Variants in NIPSNAP2 observed in about 807,000 individuals in gnomAD.
The protein encoded by NIPSNAP2 is nipsnap homolog 2.
NIPSNAP2 carries 42 observed loss-of-function variants against 48.4 expected under a neutral mutation model. The ratio of observed to expected loss-of-function variants is 0.87; its 90% CI spans 0.68 to 1.12. The LOEUF is 1.12. Among genes scored for constraint, NIPSNAP2 ranks in the 50% most tolerant of loss-of-function variants. NIPSNAP2 has a pLI of 0.00. For synonymous variants in NIPSNAP2, 158 were observed against 126.6 expected (o/e 1.25, Z -1.67); for missense variants, 314 against 347.3 (o/e 0.90, Z 0.76).
chr7:55,996,886 T>G (rs2116381384), intron 8 of NIPSNAP2, among the ~76,000 whole-genome samples: 1 of 152,132 alleles, frequency 6.6e-6, no homozygotes, highest in South Asian at 2.1e-4. Flanking sequence ...ATAATTTTTT[T>G]AACTTAAGAA....
intron 7 of NIPSNAP2, 91 bp downstream of exon 7, chr7:55,984,969 T>C (rs1026805272): frequency 3.0e-6 from 3 of 987,356 alleles, no homozygotes; most frequent in Non-Finnish European, 4.7e-6. Flanking sequence ...AATCTGAGGA[T>C]AGTACTGTGA....
At chr7:55,969,779 C>T (rs370055485) in intron 1 of NIPSNAP2, among the ~76,000 whole-genome samples, 18 of 152,064 alleles carry the variant, frequency 1.2e-4, no homozygotes, top group East Asian at 1.9e-4. Context: ...GTCAGGAGAT[C>T]GAGACCATCC....
At chr7:55,983,975 AGCAT>A in intron 6 of NIPSNAP2, 107 bp downstream of exon 6, 1 of 531,740 alleles carries the variant, frequency 1.9e-6, no homozygotes, top group Non-Finnish European at 3.1e-6. Flanking sequence ...ATGTATGTCT[AGCAT>A]TATATGTATA....
At chr7:55,990,862 A>C (rs1426749048) in intron 7 of NIPSNAP2, among the ~76,000 whole-genome samples, 2 of 143,474 alleles carry the variant, frequency 1.4e-5, no homozygotes, top group African/African-American at 5.2e-5. Flanking sequence ...GTCTCGGCTC[A>C]CTCCAATCTC....
chr7:55,967,496 T>C (rs1786919534), intron 1 of NIPSNAP2, among the ~76,000 whole-genome samples: 1 of 152,110 alleles, frequency 6.6e-6, no homozygotes, highest in African/African-American at 2.4e-5. Flanking sequence ...GGAGATAGTC[T>C]TGCCCTGTTG....
intron 1 of NIPSNAP2, among the ~76,000 whole-genome samples, chr7:55,967,483 C>G (rs1373744645): frequency 6.6e-6 from 1 of 151,488 alleles, no homozygotes; most frequent in Non-Finnish European, 1.5e-5. Context: ...TTTTTTTTTC[C>G]TTGGAGATAG....
intron 7 of NIPSNAP2, among the ~76,000 whole-genome samples, chr7:55,990,194 C>T (rs1787414112): frequency 6.6e-6 from 1 of 150,976 alleles, no homozygotes; most frequent in African/African-American, 2.4e-5. Flanking sequence ...TTCTTTGAAA[C>T]TTAACATATT....
chr7:55,967,807 G>A (rs576078835), intron 1 of NIPSNAP2, among the ~76,000 whole-genome samples: 41 of 151,558 alleles, frequency 2.7e-4, no homozygotes, highest in Non-Finnish European at 4.7e-4. Flanking sequence ...GCACCACCAC[G>A]CCTGGATAAT....
At chr7:55,965,373 G>C (rs1424150863) in intron 1 of NIPSNAP2, among the ~76,000 whole-genome samples, 1 of 151,784 alleles carries the variant, frequency 6.6e-6, no homozygotes, top group Non-Finnish European at 1.5e-5. Context: ...TGGATTGGAC[G>C]TTTGGTTGTC....
intron 7 of NIPSNAP2, among the ~76,000 whole-genome samples, chr7:55,993,007 A>G (rs1787482785): frequency 6.6e-6 from 1 of 152,124 alleles, no homozygotes; most frequent in South Asian, 2.1e-4. Flanking sequence ...TATGAAAGGA[A>G]AGGGCTCTGA....
chr7:55,994,262 C>T (rs900101377), intron 7 of NIPSNAP2, among the ~76,000 whole-genome samples: 1 of 152,196 alleles, frequency 6.6e-6, no homozygotes, highest in Non-Finnish European at 1.5e-5. Flanking sequence ...TGACGGGTCC[C>T]ATCCTCTGCC....
At position 55,978,218 on chromosome 7, in the gene NIPSNAP2, C is replaced by G. The variant is rs1480577479; in HGVS notation, c.185C>G (p.Ser62Cys). ...GTTGATCCAAGAAAAGATGCCCACTCCAATCTCCTAGCCAAAAAGGAAACA... is the reference window on the plus strand; with the variant it reads ...GTTGATCCAAGAAAAGATGCCCACTGCAATCTCCTAGCCAAAAAGGAAACA... ...RKVDPRKDAH[S>C]NLLAKKETSN... is the part of the protein sequence containing the mutation. The change falls in exon 2 of 10, where the codon TCC becomes TGC. Residue 62 changes from serine (S) to cysteine (C), a missense_variant. By Grantham distance (112) the Ser-to-Cys change is moderately radical. Around this residue, in one of 2 missense-constraint regions of NIPSNAP2, gnomAD observed 198 missense variants for 185.5 expected, o/e 1.07. Coordinates refer to ENST00000322090, the MANE Select transcript of NIPSNAP2 (RefSeq NM_001483.3). The G allele has an allele frequency of 6.2e-7, 1 of 1,614,192 alleles. No homozygotes were observed. The highest frequency in any genetic ancestry group is 8.5e-7 in the Non-Finnish European group (1 of 1,180,034).
intron 1 of NIPSNAP2, among the ~76,000 whole-genome samples, chr7:55,976,035 AAAAAGT>A (rs1241511297): frequency 1.2e-5 from 1 of 80,550 alleles, no homozygotes; most frequent in Non-Finnish European, 2.4e-5. Flanking sequence ...GATTCTCTCA[AAAAAGT>A]GTGTGTGTGT....
intron 1 of NIPSNAP2, among the ~76,000 whole-genome samples, chr7:55,972,965 G>A (rs1002415599): frequency 6.6e-6 from 1 of 152,216 alleles, no homozygotes; most frequent in African/African-American, 2.4e-5. Flanking sequence ...TTAGTTGGAT[G>A]TGGTGCTGGG....
intron 5 of NIPSNAP2, 54 bp from the exon 6 acceptor site, chr7:55,983,673 TG>T: frequency 6.3e-7 from 1 of 1,575,282 alleles, no homozygotes; most frequent in Non-Finnish European, 8.7e-7. Flanking sequence ...GTTACTGAAA[TG>T]GGCTTATATG....
chr7:55,995,078 C>T (rs1787531020), intron 8 of NIPSNAP2, 90 bp downstream of exon 8: 2 of 1,067,590 alleles, frequency 1.9e-6, no homozygotes, highest in African/African-American at 1.6e-5. Flanking sequence ...AGTCAGTAAC[C>T]TTAACCACTA....
rs1434652746 is a variant in NIPSNAP2, at chr7:55,964,661, C to T, written c.52C>T (p.Leu18=). 1.8e-6 allele frequency: 2 copies of T among 1,112,600 alleles called. No homozygotes were observed. Among genetic ancestry groups the T allele is most frequent in the East Asian group, 5.0e-5 (1 of 20,116 alleles). 68.9% of individuals were successfully genotyped at this position (1,112,600 alleles called of 1,614,324 possible). A position where few individuals can be genotyped will look rare whatever the true frequency, so the allele number is the denominator to read the frequency against. Residue 18 remains leucine, a synonymous_variant, in exon 1 of 10, where the codon CTG becomes TTG. Coordinates refer to ENST00000322090, the MANE Select transcript of NIPSNAP2 (RefSeq NM_001483.3). ...ARGAAWAGGL[L]QRAAPCSLLP... ...CGGAGCGGCCTGGGCCGGCGGCCTC[C>T]TGCAGCGGGCGGCCCCCTGCAGCCT...
At chr7:55,974,561 G>A (rs1787071439) in intron 1 of NIPSNAP2, among the ~76,000 whole-genome samples, 1 of 151,842 alleles carries the variant, frequency 6.6e-6, no homozygotes, top group African/African-American at 2.4e-5. Flanking sequence ...AAATACTATT[G>A]TAGAAGGCTG....
At chr7:55,988,392 A>G (rs1035113411) in intron 7 of NIPSNAP2, among the ~76,000 whole-genome samples, 1 of 152,196 alleles carries the variant, frequency 6.6e-6, no homozygotes, top group Admixed American at 6.6e-5. Flanking sequence ...CATTATGGAA[A>G]TGCAAAGTGA....
Sources: allele counts gnomAD v4.1 joint callset (sites outside exome capture counted in the v4.1 genomes callset), GRCh38; gene constraint gnomAD v4.1.1; regional missense constraint gnomAD v4.1.1; transcripts MANE v1.5; gene names NCBI Gene and HGNC (gene_info 2026-07-23, HGNC 2026-07-21).